Variants in PLAAT5 observed in about 807,000 individuals in gnomAD.
PLAAT5 encodes the protein phospholipase A and acyltransferase 5, also known as Ca(2+)-independent N-acyltransferase.
In PLAAT5, 27 loss-of-function variants were observed where a neutral mutation model predicts 27.8. The ratio of observed to expected loss-of-function variants is 0.97; its 90% CI spans 0.72 to 1.34. The LOEUF is 1.34. PLAAT5 is among the 40% of genes most tolerant of loss of function. The pLI is 0.00. For missense variants in PLAAT5, 368 were observed against 343.8 expected, an observed-to-expected ratio of 1.07 and a Z score of -0.56; for synonymous variants, 125 against 136.1, an observed-to-expected ratio of 0.92 and a Z score of 0.57.
At position 63,466,204 on chromosome 11, in the gene PLAAT5, T is replaced by G. The variant is rs750400228; in HGVS notation, c.623A>C (p.Lys208Thr). Residue 208 changes from lysine (K) to threonine (T), a missense_variant, in exon 5 of 6, where the codon AAG (lysine) becomes ACG (threonine). Lys to Thr is a moderately conservative substitution (Grantham distance 78, BLOSUM62 -1). Transcript: ENST00000540857. ...GTACTGCACGATCTTGTTGACCATC[T>G]TTTTTGTACGCTGGATGATCTTGTC... ...PVDKIIQRTKKMVNKIVQYSL... is the reference protein window; with the variant it reads ...PVDKIIQRTKTMVNKIVQYSL... 1 of 1,614,124 alleles carries G rather than the reference T, an allele frequency of 6.2e-7. No homozygotes were observed. Among genetic ancestry groups the G allele is most frequent in the South Asian group, 1.1e-5 (1 of 91,080 alleles).
At chr11:63,482,154 C>T (rs2016303122) in intron 3 of PLAAT5, among the ~76,000 whole-genome samples, 1 of 152,036 alleles carries the variant, frequency 6.6e-6, no homozygotes, top group Admixed American at 6.5e-5. Flanking sequence ...ATTAGTGTTC[C>T]TGAGGAAGAA....
intron 3 of PLAAT5, among the ~76,000 whole-genome samples, chr11:63,471,164 T>C (rs2016014127): frequency 2.0e-5 from 3 of 152,192 alleles, no homozygotes; most frequent in Admixed American, 2.0e-4. Context: ...GAAAAAAATA[T>C]TTAATCAAAC....
chr11:63,491,054 C>T lies in PLAAT5; in HGVS notation c.-20G>A. 1.4e-6 allele frequency: 2 copies of T among 1,422,956 alleles called. No homozygotes were observed. The highest frequency in any genetic ancestry group is 2.9e-5 in the East Asian group (1 of 34,566). 88.1% of individuals were successfully genotyped at this position (1,422,956 alleles called of 1,614,324 possible). The stretch of plus-strand genomic sequence containing the variant: ...GCCCATCCCGCCTCTGCGGCCTCGC[C>T]GGCCCCCAGGCCTTGCAGGGGACTA... On this transcript the variant is annotated 5_prime_UTR_variant, in exon 1 of 6. Transcript: ENST00000540857.
chr11:63,471,880 G>T (rs2016034242), intron 3 of PLAAT5, among the ~76,000 whole-genome samples: 1 of 152,226 alleles, frequency 6.6e-6, no homozygotes, highest in African/African-American at 2.4e-5. Flanking sequence ...ATGAGATCAT[G>T]TCCTTTGCAG....
At chr11:63,484,759 C>T (rs748041257) in intron 3 of PLAAT5, among the ~76,000 whole-genome samples, 1 of 152,190 alleles carries the variant, frequency 6.6e-6, no homozygotes, top group Admixed American at 6.5e-5. Context: ...ACTTTCACCA[C>T]ATTTATTCGA....
At chr11:63,469,143 TGTGA>T (rs1340438240) in intron 3 of PLAAT5, among the ~76,000 whole-genome samples, 259 of 139,262 alleles carry the variant, frequency 1.9e-3, no homozygotes, top group South Asian at 3.2e-3. Flanking sequence ...TGTGTGTGTG[TGTGA>T]GAGAGAGAGA....
chr11:63,482,702 T>TAAA (rs533482995), intron 3 of PLAAT5, among the ~76,000 whole-genome samples: 6 of 151,322 alleles, frequency 4.0e-5, no homozygotes, highest in African/African-American at 1.2e-4. Flanking sequence ...ACACAATTTT[T>TAAA]AAAAAAAAAG....
intron 4 of PLAAT5, among the ~76,000 whole-genome samples, chr11:63,467,292 T>G (rs1444933966): frequency 2.0e-5 from 3 of 152,200 alleles, no homozygotes; most frequent in African/African-American, 7.2e-5. Flanking sequence ...AACTGATAAG[T>G]ATCTCTGTGG....
intron 4 of PLAAT5, among the ~76,000 whole-genome samples, chr11:63,466,961 G>A (rs1367483198): frequency 6.6e-6 from 1 of 152,066 alleles, no homozygotes; most frequent in East Asian, 1.9e-4. Flanking sequence ...CCACAGCTTT[G>A]AAAAAAGAAA....
Position 63,466,259 on chromosome 11 carries a change from G to C in PLAAT5, c.568C>G (p.Leu190Val). Residue 190 changes from leucine to valine, a missense_variant, in exon 5 of 6, where the codon CTA becomes GTA. Leu to Val is a conservative substitution (Grantham distance 32). Transcript: ENST00000540857. ...GGCAAGGGCAGGTACGTCCCATCTA[G>C]CTTGTTATTGACCTTCCAGGAGCAG... ...HGCSWKVNNKLDGTYLPLPVD... is the reference protein window; with the variant it reads ...HGCSWKVNNKVDGTYLPLPVD... The C allele has an allele frequency of 6.2e-7, 1 of 1,614,164 alleles. No homozygotes were observed. Among genetic ancestry groups the C allele is most frequent in the South Asian group, 1.1e-5 (1 of 91,082 alleles).
chr11:63,488,780 G>T, intron 3 of PLAAT5, 91 bp downstream of exon 3: 4 of 777,236 alleles, frequency 5.1e-6, no homozygotes, highest in East Asian at 2.7e-5. Flanking sequence ...CCTAAAGATT[G>T]GACACCCCTA....
intron 3 of PLAAT5, chr11:63,470,066 G>A (rs1467644688): frequency 6.6e-6 from 1 of 151,170 alleles, no homozygotes; most frequent in East Asian, 1.9e-4. Context: ...TTCAGCCTGG[G>A]TGACAGAGCA....
intron 5 of PLAAT5, among the ~76,000 whole-genome samples, chr11:63,464,592 G>C (rs1296574207): frequency 3.3e-5 from 5 of 152,078 alleles, no homozygotes; most frequent in South Asian, 2.1e-4. Context: ...GGAGGCAGAG[G>C]TTGCAGTGAG....
chr11:63,480,591 T>G (rs538266400), intron 3 of PLAAT5, among the ~76,000 whole-genome samples: 1 of 152,318 alleles, frequency 6.6e-6, no homozygotes, highest in South Asian at 2.1e-4. Flanking sequence ...ATTCTCAGCC[T>G]TGGTTACAAA....
Position 63,488,964 on chromosome 11 carries a change from T to TA in PLAAT5, c.251dup (p.Val85SerfsTer2). 1 of 1,609,586 alleles carries TA rather than the reference T, an allele frequency of 6.2e-7. No individual in the cohort carries two copies. Among genetic ancestry groups the TA allele is most frequent in the African/African-American group, 1.3e-5 (1 of 74,662 alleles). Reference sequence around the variant, plus strand: ...GGCTGGGTGTGGTCTCCAAGCTAACTACAGCCTTCTCCCTAAATGATTTTG... The same window carrying TA: ...GGCTGGGTGTGGTCTCCAAGCTAACTAACAGCCTTCTCCCTAAATGATTTTG... On this transcript the variant is annotated frameshift_variant, in exon 3 of 6. Transcript: ENST00000540857. LOFTEE classifies it high-confidence loss of function.
At chr11:63,468,991 C>A (rs1010895365) in intron 3 of PLAAT5, among the ~76,000 whole-genome samples, 1 of 152,030 alleles carries the variant, frequency 6.6e-6, no homozygotes, top group South Asian at 2.1e-4. Context: ...AGGGCCCCCA[C>A]GTGACCCACC....
Position 63,463,549 on chromosome 11 carries a change from A to G in PLAAT5, c.764T>C (p.Ile255Thr). The G allele has an allele frequency of 6.2e-7, 1 of 1,613,936 alleles. No individual in the cohort carries two copies. Among genetic ancestry groups the G allele is most frequent in the South Asian group, 1.1e-5 (1 of 91,082 alleles). ...MEGAKAAGAV[I>T]SAVVDSIKPK... ...CTTTATGCTATCCACTACAGCTGAA[A>G]TAACTGCTCCAGCAGCCTTCGCTCC... The change falls in exon 6 of 6, where the codon ATT becomes ACT. Residue 255 changes from isoleucine (I) to threonine (T), a missense_variant. Transcript: ENST00000540857.
intron 2 of PLAAT5, 80 bp downstream of exon 2, chr11:63,490,163 T>G (rs190071874): frequency 1.9e-6 from 3 of 1,590,836 alleles, no homozygotes; most frequent in Non-Finnish European, 2.6e-6. Flanking sequence ...CCTCTGGGTT[T>G]GTTTTACAGA....
At chr11:63,485,294 T>C (rs1289053071) in intron 3 of PLAAT5, among the ~76,000 whole-genome samples, 1 of 152,090 alleles carries the variant, frequency 6.6e-6, no homozygotes. Flanking sequence ...AAAATTAGTA[T>C]GGAACCAAAA....
Sources: allele counts gnomAD v4.1 joint callset (sites outside exome capture counted in the v4.1 genomes callset), GRCh38; gene constraint gnomAD v4.1.1; transcripts MANE v1.5; gene names NCBI Gene and HGNC (gene_info 2026-07-23, HGNC 2026-07-21).